TAFA2: variants seen among roughly 807,000 people sequenced by gnomAD.
TAFA2 encodes chemokine-like protein TAFA-2.
A neutral mutation model predicts 18.8 loss-of-function variants in TAFA2; 7 were observed. The observed-to-expected ratio is 0.37, with a 90% CI of 0.21 to 0.70. The LOEUF (loss-of-function observed/expected upper bound fraction) is 0.70. Ranked by LOEUF, TAFA2 falls within the 30% of genes least tolerant of loss-of-function variation. The probability of loss-of-function intolerance (pLI) is 0.53; values close to 1 mark genes in which losing one functional copy is unlikely to be tolerated. For missense variants in TAFA2, 122 were observed against 158.1 expected, an observed-to-expected ratio of 0.77 and a Z score of 1.23; for synonymous variants, 60 against 54.2, an observed-to-expected ratio of 1.11 and a Z score of -0.47.
intron 1 of TAFA2, among the ~76,000 whole-genome samples, chr12:62,241,361 T>C (rs554574885): frequency 1.3e-5 from 2 of 152,358 alleles, no homozygotes; most frequent in East Asian, 3.9e-4. Flanking sequence ...CAGCCAAGCA[T>C]TTCTCCAGGA....
chr12:61,873,228 T>C (rs974245641), intron 1 of TAFA2, among the ~76,000 whole-genome samples: 1 of 151,836 alleles, frequency 6.6e-6, no homozygotes, highest in African/African-American at 2.4e-5. Flanking sequence ...GAAGAATGAG[T>C]GGGAGATGAG....
intron 2 of TAFA2, among the ~76,000 whole-genome samples, chr12:61,797,594 T>G (rs899853154): frequency 1.3e-5 from 2 of 152,198 alleles, no homozygotes; most frequent in African/African-American, 2.4e-5. Flanking sequence ...GTCCTCCATG[T>G]AGAAACTCTA....
At chr12:62,214,181 G>A (rs533601158) in intron 1 of TAFA2, among the ~76,000 whole-genome samples, 10 of 152,220 alleles carry the variant, frequency 6.6e-5, no homozygotes, top group Admixed American at 2.0e-4. Flanking sequence ...GCTGACTTAT[G>A]GCCCCTAACC....
chr12:61,918,133 C>T, intron 1 of TAFA2, among the ~76,000 whole-genome samples: 1 of 152,012 alleles, frequency 6.6e-6, no homozygotes, highest in Non-Finnish European at 1.5e-5. Flanking sequence ...ACATCCATCA[C>T]CTCAAGCATT....
intron 1 of TAFA2, among the ~76,000 whole-genome samples, chr12:62,120,113 T>A (rs1379297916): frequency 6.6e-6 from 1 of 151,950 alleles, no homozygotes; most frequent in Non-Finnish European, 1.5e-5. Context: ...CCAAACCATT[T>A]AACAAACATC....
intron 4 of TAFA2, among the ~76,000 whole-genome samples, chr12:61,727,990 C>A (rs905173858): frequency 6.8e-6 from 1 of 147,736 alleles, no homozygotes; most frequent in South Asian, 2.1e-4. Flanking sequence ...CATTCAGGAG[C>A]GGATTACTTA....
chr12:61,751,740 C>T (rs1462422663), intron 4 of TAFA2, among the ~76,000 whole-genome samples: 2 of 151,984 alleles, frequency 1.3e-5, no homozygotes, highest in African/African-American at 4.8e-5. Context: ...CATGAGTTCT[C>T]AGTCTCTCAT....
chr12:62,205,850 G>A (rs1190224458), intron 1 of TAFA2, among the ~76,000 whole-genome samples: 1 of 152,030 alleles, frequency 6.6e-6, no homozygotes, highest in Non-Finnish European at 1.5e-5. Flanking sequence ...CCAAGGCCCT[G>A]GTGGCATGGG....
At chr12:62,227,603 C>T (rs550088991) in intron 1 of TAFA2, among the ~76,000 whole-genome samples, 2 of 152,216 alleles carry the variant, frequency 1.3e-5, no homozygotes, top group African/African-American at 4.8e-5. Context: ...TATTTCCTTT[C>T]CTGTGTAGAA....
intron 1 of TAFA2, among the ~76,000 whole-genome samples, chr12:62,203,986 C>T (rs999285964): frequency 2.0e-5 from 3 of 152,044 alleles, no homozygotes; most frequent in Non-Finnish European, 4.4e-5. Flanking sequence ...TTTTTCTTTT[C>T]CACATTTAGT....
At chr12:62,134,657 T>G (rs1454982637) in intron 1 of TAFA2, among the ~76,000 whole-genome samples, 1 of 152,106 alleles carries the variant, frequency 6.6e-6, no homozygotes, top group Non-Finnish European at 1.5e-5. Flanking sequence ...CTTGTTCATC[T>G]AGTGTCTCTT....
chr12:62,160,002 C>T (rs932692702), intron 1 of TAFA2, among the ~76,000 whole-genome samples: 8 of 150,520 alleles, frequency 5.3e-5, no homozygotes, highest in African/African-American at 1.5e-4. Context: ...CTTCTCCTCT[C>T]ACTCTTTACC....
intron 1 of TAFA2, among the ~76,000 whole-genome samples, chr12:62,211,472 C>T (rs147433045): frequency 0.019 from 2,824 of 151,508 alleles, 114 homozygotes; most frequent in African/African-American, 0.065. Context: ...CCCAGCTACT[C>T]GGGAGGCTGA....
chr12:62,127,518 T>C (rs575918211), intron 1 of TAFA2, among the ~76,000 whole-genome samples: 2 of 152,230 alleles, frequency 1.3e-5, no homozygotes, highest in South Asian at 4.1e-4. Flanking sequence ...ATTTTTCTTA[T>C]TAAAATTAAT....
chr12:61,886,406 C>T (rs182901414), intron 1 of TAFA2, among the ~76,000 whole-genome samples: 2 of 152,294 alleles, frequency 1.3e-5, no homozygotes, highest in African/African-American at 4.8e-5. Context: ...TGGAATGCTG[C>T]TCCTGAAACT....
chr12:62,039,597 T>A (rs899089633), intron 1 of TAFA2, among the ~76,000 whole-genome samples: 2 of 152,188 alleles, frequency 1.3e-5, no homozygotes, highest in African/African-American at 4.8e-5. Context: ...TTGGATGAAA[T>A]TAATGTTACA....
chr12:61,785,154 T>C (rs906275900), intron 2 of TAFA2, among the ~76,000 whole-genome samples: 4 of 151,610 alleles, frequency 2.6e-5, no homozygotes, highest in African/African-American at 9.7e-5. Flanking sequence ...CTGTTCTACA[T>C]GTTACTTCTA....
chr12:61,818,311 A>T (rs1846303649), intron 2 of TAFA2, among the ~76,000 whole-genome samples: 1 of 152,152 alleles, frequency 6.6e-6, no homozygotes, highest in Non-Finnish European at 1.5e-5. Flanking sequence ...TACACTGAAT[A>T]GGTAAATGTG....
intron 1 of TAFA2, among the ~76,000 whole-genome samples, chr12:61,908,804 A>T (rs1876478424): frequency 6.6e-6 from 1 of 152,184 alleles, no homozygotes; most frequent in South Asian, 2.1e-4. Context: ...GCCTGTATCT[A>T]AGAATGACAG....
Sources: gnomAD v4.1 joint callset for allele counts (sites outside exome capture counted in the v4.1 genomes callset) on GRCh38, gnomAD v4.1.1 for gene constraint, MANE v1.5 for transcripts, NCBI Gene and HGNC (gene_info 2026-07-23, HGNC 2026-07-21) for gene names.